ZCCHC14: variants seen among roughly 807,000 people sequenced by gnomAD.
The protein encoded by ZCCHC14 is zinc finger CCHC domain-containing protein 14.
ZCCHC14 carries 16 observed loss-of-function variants against 85.0 expected under a neutral mutation model. The ratio of observed to expected loss-of-function variants is 0.19; its 90% CI spans 0.13 to 0.29. The LOEUF (loss-of-function observed/expected upper bound fraction) is 0.29, where lower values mean the gene tolerates loss of function less well. Among genes scored for constraint, ZCCHC14 ranks in the 10% least tolerant of loss-of-function variants. The pLI, the probability that ZCCHC14 is intolerant of heterozygous loss-of-function variation, is 1.00. For synonymous variants in ZCCHC14, 775 were observed against 630.7 expected, an observed-to-expected ratio of 1.23 and a Z score of -3.43; for missense variants, 1,303 against 1,443.5, an observed-to-expected ratio of 0.90 and a Z score of 1.58.
chr16:87,427,874 C>T (rs1240292385), intron 3 of ZCCHC14, among the ~76,000 whole-genome samples: 1 of 151,974 alleles, frequency 6.6e-6, no homozygotes, highest in Non-Finnish European at 1.5e-5. Flanking sequence ...TCAAGCGATC[C>T]GTCTGCCTCA....
chr16:87,419,750 TA>T, intron 6 of ZCCHC14, 32 bp downstream of exon 6: 4 of 1,517,754 alleles, frequency 2.6e-6, no homozygotes, highest in East Asian at 2.3e-5. Context: ...TTTTTTTTTT[TA>T]ATTTATATTT....
At chr16:87,425,113 G>C (rs1353215629) in intron 3 of ZCCHC14, among the ~76,000 whole-genome samples, 1 of 152,024 alleles carries the variant, frequency 6.6e-6, no homozygotes, top group African/African-American at 2.4e-5. Context: ...TCACTCCTGG[G>C]TCTGTTTCAT....
intron 2 of ZCCHC14, among the ~76,000 whole-genome samples, chr16:87,449,040 G>A (rs1252312557): frequency 2.0e-5 from 3 of 152,206 alleles, no homozygotes; most frequent in East Asian, 3.9e-4. Flanking sequence ...CCCAGTTCAA[G>A]GAGGATGAGG....
At chr16:87,463,820 G>A (rs1911389834) in intron 1 of ZCCHC14, among the ~76,000 whole-genome samples, 2 of 152,118 alleles carry the variant, frequency 1.3e-5, no homozygotes, top group South Asian at 2.1e-4. Flanking sequence ...GCAAGACTCC[G>A]TCTCAGGAGA....
In ZCCHC14 at chr16:87,413,193, G is replaced by A. The variant is rs1226904286; in HGVS notation, c.1606C>T (p.Leu536=). The change falls in exon 11 of 13, where the codon CTG becomes TTG. Residue 536 remains leucine (L), a splice_region_variant and synonymous_variant. Transcript: ENST00000671377. ...TGGGGCTGCTCCACTTCCACCCGCA[G>A]CTCTGCAGAAAAGGGACAGAGGAGC... ...QSGRGSHAAE[L]RVEVEQPHHQ... 1.9e-6 allele frequency: 3 copies of A among 1,559,066 alleles called. No homozygotes were observed. The East Asian group carries it at 7.1e-5, about 37-fold the overall frequency.
rs545561042 is a variant in ZCCHC14, at chr16:87,476,038, G to A, written c.570+15631C>T. ...GCACAGGGGAGCAGCCAACAGCAGA[G>A]CCCTGGAGGAGAGACAGGGTCTCGA... On this transcript the variant is annotated intron_variant, in intron 1 of 12. Transcript: ENST00000671377. Among the ~76,000 whole-genome samples the A allele has an allele frequency of 3.9e-5, 6 of 152,312 alleles. No homozygotes were observed. The South Asian group carries it at 1.2e-3, about 32-fold the overall frequency.
At chr16:87,448,033 G>A (rs1483419493) in intron 2 of ZCCHC14, among the ~76,000 whole-genome samples, 2 of 152,022 alleles carry the variant, frequency 1.3e-5, no homozygotes, top group Non-Finnish European at 2.9e-5. Context: ...TTTTCTGCTG[G>A]TAGAAAAAAA....
chr16:87,423,638 C>T (rs772513050), intron 4 of ZCCHC14, among the ~76,000 whole-genome samples, 172 bp downstream of exon 4: 4 of 152,242 alleles, frequency 2.6e-5, no homozygotes, highest in African/African-American at 7.2e-5. Context: ...CTCGCAGCAA[C>T]GCTCATGTCA....
chr16:87,485,224 T>C (rs1211739097), intron 1 of ZCCHC14, among the ~76,000 whole-genome samples: 2 of 152,222 alleles, frequency 1.3e-5, no homozygotes, highest in Non-Finnish European at 2.9e-5. Flanking sequence ...ACACGGCTGC[T>C]AGAAGAGCAA....
intron 1 of ZCCHC14, among the ~76,000 whole-genome samples, chr16:87,490,593 A>G (rs887414853): frequency 6.6e-5 from 10 of 152,234 alleles, no homozygotes; most frequent in Non-Finnish European, 1.3e-4. Flanking sequence ...TTCCGGTTCA[A>G]TTTGGAGACC....
chr16:87,440,069 G>A (rs931929292), intron 2 of ZCCHC14, among the ~76,000 whole-genome samples: 4 of 152,136 alleles, frequency 2.6e-5, no homozygotes, highest in African/African-American at 9.7e-5. Flanking sequence ...AGCTTTCTAC[G>A]CAGCCAAGAC....
At chr16:87,467,757 T>C (rs1911594497) in intron 1 of ZCCHC14, 1 of 529,552 alleles carries the variant, frequency 1.9e-6, no homozygotes, top group East Asian at 3.5e-5. Context: ...GTTCACACCA[T>C]TCTCCTGCCT....
chr16:87,423,999 G>T, intron 3 of ZCCHC14, 118 bp from the exon 4 acceptor site: 1 of 1,034,650 alleles, frequency 9.7e-7, no homozygotes, highest in Non-Finnish European at 1.4e-6. Flanking sequence ...AGTGGGCCGT[G>T]CACCTGCTGT....
At chr16:87,467,653 C>T (rs1366003127) in intron 1 of ZCCHC14, 19 of 942,598 alleles carry the variant, frequency 2.0e-5, no homozygotes, top group East Asian at 1.9e-4. Context: ...CCTGGTCGAA[C>T]GGTTTCTTTT....
chr16:87,428,336 C>A (rs902146425), intron 3 of ZCCHC14, among the ~76,000 whole-genome samples: 2 of 152,274 alleles, frequency 1.3e-5, no homozygotes, highest in African/African-American at 2.4e-5. Context: ...TAGAAAAAAA[C>A]GTTTCTTTGA....
chr16:87,461,813 T>A lies in ZCCHC14; in HGVS notation c.571-1682A>T, dbSNP rs185885246. ...GGCCACACCCAAGTCCATAGCGAGA[T>A]CCTCTGATCCCAGCTCTGTCAATGC... On this transcript the variant is annotated intron_variant, in intron 1 of 12. Transcript: ENST00000671377. Among the ~76,000 whole-genome samples, 1,036 of 152,314 alleles carry A rather than the reference T, an allele frequency of 6.8e-3. 5 individuals are homozygous for A. The highest frequency in any genetic ancestry group is 0.02 in the Middle Eastern group (6 of 294).
chr16:87,465,434 C>T (rs777689774), intron 1 of ZCCHC14, among the ~76,000 whole-genome samples: 1 of 152,218 alleles, frequency 6.6e-6, no homozygotes, highest in African/African-American at 2.4e-5. Flanking sequence ...ATCTACAAAG[C>T]GCTAACCCAG....
intron 1 of ZCCHC14, chr16:87,467,246 C>G: frequency 1.3e-6 from 2 of 1,566,694 alleles, no homozygotes; most frequent in Admixed American, 3.3e-5. Context: ...TCTCGTTTTA[C>G]CGGACACTAA....
chr16:87,440,438 T>G (rs767724639), intron 2 of ZCCHC14, among the ~76,000 whole-genome samples: 1 of 152,142 alleles, frequency 6.6e-6, no homozygotes, highest in Non-Finnish European at 1.5e-5. Flanking sequence ...GTGCTGGGAT[T>G]ACAGGCATGA....
Sources: gnomAD v4.1 joint callset for allele counts (sites outside exome capture counted in the v4.1 genomes callset) on GRCh38, gnomAD v4.1.1 for gene constraint, MANE v1.5 for transcripts, NCBI Gene and HGNC (gene_info 2026-07-23, HGNC 2026-07-21) for gene names.